HELZ: variants seen among roughly 807,000 people sequenced by gnomAD.
HELZ encodes helicase with zinc finger.
In HELZ, 23 loss-of-function variants were observed where a neutral mutation model predicts 218.2. The observed-to-expected ratio is 0.11, with a 90% CI of 0.08 to 0.15. The LOEUF (loss-of-function observed/expected upper bound fraction) is 0.15, where lower values mean the gene tolerates loss of function less well. Ranked by LOEUF, HELZ falls within the 10% of genes least tolerant of loss-of-function variation. HELZ has a pLI of 1.00. For synonymous variants in HELZ, 814 were observed against 829.4 expected (o/e 0.98, Z 0.32); for missense variants, 1,813 against 2,353.7 (o/e 0.77, Z 4.75).
intron 31 of HELZ, among the ~76,000 whole-genome samples, chr17:67,100,442 A>G (rs532799055): frequency 2.0e-5 from 3 of 152,316 alleles, no homozygotes; most frequent in African/African-American, 7.2e-5. Flanking sequence ...AGCCATTACA[A>G]TATCACAACA....
At chr17:67,170,038 G>T (rs543246716) in intron 13 of HELZ, among the ~76,000 whole-genome samples, 2 of 152,354 alleles carry the variant, frequency 1.3e-5, no homozygotes, top group South Asian at 4.1e-4. Flanking sequence ...TGGAACAGCA[G>T]TTGGGCCCCC....
intron 17 of HELZ, among the ~76,000 whole-genome samples, chr17:67,151,538 A>AT (rs981219595): frequency 1.3e-5 from 2 of 152,194 alleles, no homozygotes; most frequent in Non-Finnish European, 2.9e-5. Flanking sequence ...AAGCACTACA[A>AT]TTTTTTAAGT....
rs766950089 is a variant in HELZ at position 67,108,694 on chromosome 17, A to T, written c.4522T>A (p.Leu1508Ile). Reference protein sequence around the residue: ...RIHGSVALETLRQQQARFQQW... With the variant: ...RIHGSVALETIRQQQARFQQW... ...TGGAACCGTGCCTGCTGCTGCCTTA[A>T]TGTTTCCAGAGCGACACTCCCATGT... The change falls in exon 30 of 33, where the codon TTA becomes ATA. Residue 1508 changes from leucine to isoleucine, a missense_variant. Transcript: ENST00000358691. This position sits in a 1 kb window ranked among gnomAD's most constrained non-coding sequence, Gnocchi z 4.1. 4.5e-5 allele frequency: 73 copies of T among 1,612,872 alleles called. No individual in the cohort carries two copies. In the East Asian group the frequency reaches 1.6e-3, roughly 36 times the overall value.
At position 67,082,867 on chromosome 17, in the gene HELZ, T is replaced by G. The variant is rs202178242; in HGVS notation, c.5494+3962A>C. Among the ~76,000 whole-genome samples the G allele has an allele frequency of 1.9e-4, 28 of 149,496 alleles. No homozygotes were observed. In the East Asian group the frequency reaches 4.6e-3, roughly 25 times the overall value. ...TAACTGTTTTTTTTTTTTGTTTTTTTTTTTTTTGAGATGGAGTCTTGCTCT... is the reference window on the plus strand; with the variant it reads ...TAACTGTTTTTTTTTTTTGTTTTTTGTTTTTTTGAGATGGAGTCTTGCTCT... On this transcript the variant is annotated intron_variant, in intron 32 of 32. Coordinates refer to ENST00000358691, the MANE Select transcript of HELZ (RefSeq NM_014877.4).
chr17:67,229,769 A>G (rs1255681090), intron 3 of HELZ, among the ~76,000 whole-genome samples: 1 of 152,238 alleles, frequency 6.6e-6, no homozygotes, highest in Non-Finnish European at 1.5e-5. Flanking sequence ...TAGTATACAC[A>G]GGCAAAATAG....
In HELZ at chr17:67,078,237, G is replaced by A; in HGVS notation, c.*15C>T. On this transcript the variant is annotated 3_prime_UTR_variant, in exon 33 of 33. Transcript: ENST00000358691. ...AGAAATTAAAACATTCTCCCTTGAG[G>A]GAAAAAAAAAGTGATTATTTAAAAT... 6.4e-7 allele frequency: 1 copy of A among 1,559,736 alleles called. No individual in the cohort carries two copies. The highest frequency in any genetic ancestry group is 8.8e-7 in the Non-Finnish European group (1 of 1,140,024).
At chr17:67,212,314 C>CAAAAAAAAAAAAAAAAA (rs10692832) in intron 5 of HELZ, among the ~76,000 whole-genome samples, 652 of 21,396 alleles carry the variant, frequency 0.03, 249 homozygotes, top group Middle Eastern at 0.25. Context: ...GACACCATCT[C>CAAAAAAAAAAAAAAAAA]AAAAAAAAAA....
At chr17:67,149,370 A>C (rs2038604692) in intron 19 of HELZ, among the ~76,000 whole-genome samples, 1 of 152,238 alleles carries the variant, frequency 6.6e-6, no homozygotes, top group Non-Finnish European at 1.5e-5. Flanking sequence ...GTATCTTCAC[A>C]GAAAAACTGT....
chr17:67,140,430 G>T (rs1435168281), intron 21 of HELZ, among the ~76,000 whole-genome samples: 2 of 152,140 alleles, frequency 1.3e-5, no homozygotes, highest in African/African-American at 4.8e-5. Context: ...AGTGAAAAAG[G>T]AAAAACATTG....
intron 31 of HELZ, among the ~76,000 whole-genome samples, chr17:67,103,431 T>G (rs1043960582): frequency 6.6e-6 from 1 of 152,194 alleles, no homozygotes; most frequent in African/African-American, 2.4e-5. Context: ...TATATCATCA[T>G]GTGGTTAAAC....
intron 3 of HELZ, among the ~76,000 whole-genome samples, chr17:67,228,172 G>A (rs1033067185): frequency 6.6e-5 from 10 of 152,094 alleles, no homozygotes; most frequent in African/African-American, 2.4e-4. Flanking sequence ...ACTAACATCC[G>A]TAATTGGTTC....
At chr17:67,079,384 T>A (rs900898390) in intron 32 of HELZ, among the ~76,000 whole-genome samples, 16 of 152,218 alleles carry the variant, frequency 1.1e-4, no homozygotes, top group Non-Finnish European at 2.4e-4. Flanking sequence ...CCTAAGTACT[T>A]GATTTAGAGT....
At chr17:67,159,756 CA>C (rs1195144853) in intron 17 of HELZ, among the ~76,000 whole-genome samples, 4 of 152,040 alleles carry the variant, frequency 2.6e-5, no homozygotes, top group Non-Finnish European at 5.9e-5. Flanking sequence ...TAAATGGTAG[CA>C]AAAGTTGTTA....
intron 32 of HELZ, among the ~76,000 whole-genome samples, chr17:67,081,018 A>C (rs2036172282): frequency 6.6e-6 from 1 of 152,232 alleles, no homozygotes; most frequent in African/African-American, 2.4e-5. Context: ...ATGGCTAAGT[A>C]ACTAAATTTG....
At chr17:67,213,910 G>C (rs1376739850) in intron 5 of HELZ, among the ~76,000 whole-genome samples, 1 of 152,168 alleles carries the variant, frequency 6.6e-6, no homozygotes, top group African/African-American at 2.4e-5. Context: ...AGAAAGCAAG[G>C]TGCTAGGTGA....
At chr17:67,184,417 G>A (rs2039695433) in intron 12 of HELZ, among the ~76,000 whole-genome samples, 1 of 152,016 alleles carries the variant, frequency 6.6e-6, no homozygotes, top group South Asian at 2.1e-4. Flanking sequence ...TTCATTTAAG[G>A]ACAAAAACTT....
intron 24 of HELZ, among the ~76,000 whole-genome samples, chr17:67,127,320 A>G (rs1221937675): frequency 6.6e-6 from 1 of 152,232 alleles, no homozygotes; most frequent in Non-Finnish European, 1.5e-5. Context: ...CTGATAAATA[A>G]ACAGCTAATA....
chr17:67,181,178 T>C (rs546772559), intron 12 of HELZ, among the ~76,000 whole-genome samples: 1 of 152,368 alleles, frequency 6.6e-6, no homozygotes, highest in Non-Finnish European at 1.5e-5. Flanking sequence ...AATTTTATTT[T>C]ACATTTCACT....
intron 22 of HELZ, 26 bp from the exon 23 acceptor site, chr17:67,136,224 GACTT>G: frequency 6.9e-7 from 1 of 1,456,888 alleles, no homozygotes; most frequent in Non-Finnish European, 9.5e-7. Context: ...TTTAAGAAAA[GACTT>G]AAGATTGTCA....
Sources: allele counts gnomAD v4.1 joint callset (sites outside exome capture counted in the v4.1 genomes callset), GRCh38; gene constraint gnomAD v4.1.1; non-coding constraint Gnocchi (gnomAD v3.1); transcripts MANE v1.5; gene names NCBI Gene and HGNC (gene_info 2026-07-23, HGNC 2026-07-21).